RASAL2: variants seen among roughly 807,000 people sequenced by gnomAD.
RASAL2 encodes the protein ras GTPase-activating protein nGAP.
Under a neutral mutation model 128.9 loss-of-function variants are expected in RASAL2, and 58 were observed. The observed-to-expected ratio is 0.45, with a 90% CI of 0.36 to 0.56. The LOEUF (loss-of-function observed/expected upper bound fraction) is 0.56. RASAL2 is among the 20% of genes least tolerant of loss of function. The pLI, the probability that RASAL2 is intolerant of heterozygous loss-of-function variation, is 0.00. For missense variants in RASAL2, 1,360 were observed against 1,601.6 expected, an observed-to-expected ratio of 0.85 and a Z score of 2.57; for synonymous variants, 561 against 580.8, an observed-to-expected ratio of 0.97 and a Z score of 0.49.
intron 4 of RASAL2, among the ~76,000 whole-genome samples, chr1:178,409,372 A>G (rs928157053): frequency 3.3e-5 from 5 of 152,204 alleles, no homozygotes; most frequent in East Asian, 3.9e-4. Flanking sequence ...CTAGCTCTCT[A>G]TAAAGCACAG....
At chr1:178,167,594 CA>C (rs1375339614) in intron 1 of RASAL2, among the ~76,000 whole-genome samples, 1 of 152,028 alleles carries the variant, frequency 6.6e-6, no homozygotes, top group Non-Finnish European at 1.5e-5. Flanking sequence ...TTGTCTCTTC[CA>C]AAACTTAACT....
chr1:178,438,130 G>GTGTGTGTT (rs1676377129), intron 5 of RASAL2, among the ~76,000 whole-genome samples: 1 of 151,396 alleles, frequency 6.6e-6, no homozygotes, highest in Non-Finnish European at 1.5e-5. Context: ...GTGTGTGTGT[G>GTGTGTGTT]TGTGTGTGTG....
chr1:178,385,155 C>T (rs1332895967), intron 3 of RASAL2, among the ~76,000 whole-genome samples: 1 of 152,154 alleles, frequency 6.6e-6, no homozygotes, highest in Non-Finnish European at 1.5e-5. Context: ...TATTCAAAAT[C>T]CTGAAAAGAA....
In RASAL2 at chr1:178,458,529, A is replaced by T. The variant is rs1343232172; in HGVS notation, c.3237A>T (p.Arg1079Ser). The change falls in exon 14 of 18, where the codon AGA becomes AGT. Residue 1079 changes from arginine to serine, a missense_variant. By Grantham distance (110) the Arg-to-Ser change is moderately radical. Transcript: ENST00000367649. Reference sequence around the variant, plus strand: ...TTCCCAAAGTTAGAGCAATCCAGAGACAACAGACACAGCAGGTAGGTGTGA... The same window carrying T: ...TTCCCAAAGTTAGAGCAATCCAGAGTCAACAGACACAGCAGGTAGGTGTGA... ...SPVPKVRAIQRQQTQQVQSPV... is the reference protein window; with the variant it reads ...SPVPKVRAIQSQQTQQVQSPV... 1 of 1,610,174 alleles carries T rather than the reference A, an allele frequency of 6.2e-7. No individual in the cohort carries two copies. The highest frequency in any genetic ancestry group is 8.5e-7 in the Non-Finnish European group (1 of 1,178,062).
intron 1 of RASAL2, among the ~76,000 whole-genome samples, chr1:178,129,343 T>G (rs1030101433): frequency 3.3e-5 from 5 of 152,206 alleles, no homozygotes; most frequent in Admixed American, 6.5e-5. Flanking sequence ...TTGTGATTAC[T>G]AATGATGTTG....
At chr1:178,471,448 T>C (rs552500345) in intron 17 of RASAL2, among the ~76,000 whole-genome samples, 15 of 152,314 alleles carry the variant, frequency 9.8e-5, no homozygotes, top group African/African-American at 3.4e-4. Flanking sequence ...CCTTTAGTTT[T>C]GTCTATCCTT....
intron 3 of RASAL2, among the ~76,000 whole-genome samples, chr1:178,339,993 A>G (rs1185049517): frequency 6.6e-6 from 1 of 152,186 alleles, no homozygotes; most frequent in Non-Finnish European, 1.5e-5. Context: ...GTCAGTTTCA[A>G]TACTTAGCTA....
intron 3 of RASAL2, among the ~76,000 whole-genome samples, chr1:178,321,113 C>T (rs1668750200): frequency 6.6e-6 from 1 of 152,182 alleles, no homozygotes; most frequent in Admixed American, 6.5e-5. Context: ...GGCGGAGTCT[C>T]ATCTCTGTCA....
chr1:178,145,405 A>G (rs1392406172), intron 1 of RASAL2, among the ~76,000 whole-genome samples: 1 of 152,046 alleles, frequency 6.6e-6, no homozygotes, highest in Non-Finnish European at 1.5e-5. Flanking sequence ...TATTTCTCTT[A>G]AAGTTAATTT....
intron 1 of RASAL2, among the ~76,000 whole-genome samples, chr1:178,278,904 C>T (rs372767386): frequency 6.6e-6 from 1 of 152,120 alleles, no homozygotes; most frequent in African/African-American, 2.4e-5. Context: ...CTATGATGCT[C>T]CTTTCTCCCA....
Position 178,458,430 on chromosome 1 carries a change from A to T in RASAL2, c.3138A>T (p.Ala1046=). The change falls in exon 14 of 18, where the codon GCA becomes GCT. Residue 1046 remains alanine (A), a synonymous_variant. Coordinates refer to ENST00000367649, the MANE Select transcript of RASAL2 (RefSeq NM_170692.4). ...RSTGSMSVVS[A]ALVAEPVQNG... is the part of the protein sequence containing the mutation. The stretch of plus-strand genomic sequence containing the variant: ...CCGGGAGCATGTCAGTGGTGTCCGC[A>T]GCCCTGGTGGCCGAACCTGTGCAGA... 1 of 1,614,228 alleles carries T rather than the reference A, an allele frequency of 6.2e-7. No individual in the cohort carries two copies. Among genetic ancestry groups the T allele is most frequent in the Non-Finnish European group, 8.5e-7 (1 of 1,180,036 alleles).
rs180729811 is a variant in RASAL2, at chr1:178,249,233, C to T, written c.203-34331C>T. On this transcript the variant is annotated intron_variant, in intron 1 of 17. Coordinates refer to ENST00000367649, the MANE Select transcript of RASAL2 (RefSeq NM_170692.4). ...TCCCATATTTCTTGGAGGCTTTGTTCGTTCCTTTTCATTCTTTTTTCTCTA... is the reference window on the plus strand; with the variant it reads ...TCCCATATTTCTTGGAGGCTTTGTTTGTTCCTTTTCATTCTTTTTTCTCTA... Among the ~76,000 whole-genome samples the T allele has an allele frequency of 1.6e-3, 238 of 151,884 alleles. 1 individual carries two copies. Among genetic ancestry groups the T allele is most frequent in the African/African-American group, 5.5e-3 (226 of 41,458 alleles).
At chr1:178,158,721 C>T (rs923001368) in intron 1 of RASAL2, among the ~76,000 whole-genome samples, 1 of 152,154 alleles carries the variant, frequency 6.6e-6, no homozygotes, top group African/African-American at 2.4e-5. Flanking sequence ...TTTGATCTCT[C>T]ATGTTTTCTT....
chr1:178,134,346 T>C (rs560462070), intron 1 of RASAL2, among the ~76,000 whole-genome samples: 1 of 151,528 alleles, frequency 6.6e-6, no homozygotes, highest in African/African-American at 2.4e-5. Flanking sequence ...TAGTCCCAGC[T>C]ACTTGGGAAG....
At chr1:178,408,879 A>T (rs766785344) in intron 4 of RASAL2, among the ~76,000 whole-genome samples, 65 of 152,136 alleles carry the variant, frequency 4.3e-4, no homozygotes, top group Non-Finnish European at 8.1e-4. Context: ...GCCATTTAGC[A>T]TCTATGTGAC....
chr1:178,336,478 T>A (rs1275866622), intron 3 of RASAL2, among the ~76,000 whole-genome samples: 1 of 152,144 alleles, frequency 6.6e-6, no homozygotes, highest in East Asian at 1.9e-4. Context: ...GATCGTTATT[T>A]CTACTGAAAC....
chr1:178,185,111 G>T lies in RASAL2; in HGVS notation c.202+90417G>T, dbSNP rs554825326. Among the ~76,000 whole-genome samples the T allele has an allele frequency of 1.5e-4, 21 of 141,326 alleles. No individual in the cohort carries two copies. The South Asian group carries it at 1.8e-3, about 12-fold the overall frequency. The allele number at this position is 141,326 out of a possible 152,430, so 92.7% of individuals were successfully genotyped here. On this transcript the variant is annotated intron_variant, in intron 1 of 17. Transcript: ENST00000367649. ...GCCATCATAAATGGTTTTAGTTTTT[G>T]TTTTTTTTTTTTTAATTTTCAAATT... is the stretch of plus-strand genomic sequence containing the variant.
chr1:178,183,670 C>T (rs1662194120), intron 1 of RASAL2, among the ~76,000 whole-genome samples: 1 of 152,202 alleles, frequency 6.6e-6, no homozygotes, highest in Admixed American at 6.5e-5. Flanking sequence ...CTTAATATCT[C>T]ATTCCTTTGC....
chr1:178,457,469 A>T (rs1677854880), intron 13 of RASAL2, among the ~76,000 whole-genome samples: 1 of 152,246 alleles, frequency 6.6e-6, no homozygotes, highest in South Asian at 2.1e-4. Flanking sequence ...GTTGGTATCT[A>T]CAGTGTTATT....
Sources: allele counts gnomAD v4.1 joint callset (sites outside exome capture counted in the v4.1 genomes callset), GRCh38; gene constraint gnomAD v4.1.1; transcripts MANE v1.5; gene names NCBI Gene and HGNC (gene_info 2026-07-23, HGNC 2026-07-21).